NUP93: variants seen among roughly 807,000 people sequenced by gnomAD.
NUP93 encodes nucleoporin 93.
A neutral mutation model predicts 107.8 loss-of-function variants in NUP93; 55 were observed. That is an observed-to-expected ratio of 0.51 (90% confidence interval 0.41 to 0.64). NUP93 has a LOEUF of 0.64. Ranked by LOEUF, NUP93 falls within the 30% of genes least tolerant of loss-of-function variation. The probability of loss-of-function intolerance (pLI) is 0.00; values close to 1 mark genes in which losing one functional copy is unlikely to be tolerated. For synonymous variants in NUP93, 390 were observed against 397.5 expected (o/e 0.98, Z 0.22); for missense variants, 937 against 1,044.7 (o/e 0.90, Z 1.42).
In NUP93 at chr16:56,845,517, A is replaced by G. The variant is rs1451530888; in HGVS notation, c.*908A>G. Reference sequence around the variant, plus strand: ...CAGACCACCACATGGCATCAGCACCATGGGTGTTTGCTCCCTGAGCAGTAG... The same window carrying G: ...CAGACCACCACATGGCATCAGCACCGTGGGTGTTTGCTCCCTGAGCAGTAG... On this transcript the variant is annotated 3_prime_UTR_variant, in exon 22 of 22. Coordinates refer to ENST00000308159, the MANE Select transcript of NUP93 (RefSeq NM_014669.5). 1.3e-5 allele frequency: 2 copies of G among 152,254 alleles called. No homozygotes were observed. The highest frequency in any genetic ancestry group is 1.9e-4 in the East Asian group (1 of 5,194). 9.4% of individuals were successfully genotyped at this position (152,254 alleles called of 1,614,324 possible). A position where few individuals can be genotyped will look rare whatever the true frequency, so the allele number is the denominator to read the frequency against.
At chr16:56,788,184 T>C (rs2144533184) in intron 3 of NUP93, among the ~76,000 whole-genome samples, 1 of 152,296 alleles carries the variant, frequency 6.6e-6, no homozygotes, top group African/African-American at 2.4e-5. Flanking sequence ...CCCACTGGAC[T>C]TCTGTTGGTC....
intron 5 of NUP93, among the ~76,000 whole-genome samples, chr16:56,813,129 T>C (rs1287439044): frequency 3.9e-5 from 6 of 152,194 alleles, no homozygotes; most frequent in African/African-American, 7.2e-5. Context: ...GTATAGATAA[T>C]GATGGTAACA....
At chr16:56,803,234 G>A (rs900155443) in intron 4 of NUP93, among the ~76,000 whole-genome samples, 9 of 152,060 alleles carry the variant, frequency 5.9e-5, no homozygotes, top group Admixed American at 4.6e-4. Flanking sequence ...CAAGGCGGTC[G>A]GATCACTTGA....
chr16:56,793,698 C>T (rs372988370), intron 3 of NUP93, among the ~76,000 whole-genome samples: 2 of 152,208 alleles, frequency 1.3e-5, no homozygotes, highest in African/African-American at 4.8e-5. Flanking sequence ...TTCTTTAATT[C>T]CATTGGGCTG....
intron 3 of NUP93, among the ~76,000 whole-genome samples, chr16:56,778,000 A>C (rs183302525): frequency 1.3e-5 from 2 of 152,328 alleles, no homozygotes. Flanking sequence ...AATTCGAATA[A>C]ATACAAATTC....
rs1964154406 is a variant in NUP93 at position 56,849,645 on chromosome 16, AT to A, written c.*5037del. On this transcript the variant is annotated 3_prime_UTR_variant, in exon 22 of 22. Transcript: ENST00000308159. Reference sequence around the variant, plus strand: ...CGGGTCAGACTTAGCAAATAAAAATATAGGACACTCAATTAAGTTTGCATTT... The same window carrying A: ...CGGGTCAGACTTAGCAAATAAAAATAAGGACACTCAATTAAGTTTGCATTT... The A allele has an allele frequency of 6.6e-6, 1 of 151,964 alleles. No individual in the cohort carries two copies. Among genetic ancestry groups the A allele is most frequent in the South Asian group, 2.1e-4 (1 of 4,768 alleles). The allele number at this position is 151,964 out of a possible 1,614,324, so 9.4% of individuals were successfully genotyped here.
At chr16:56,742,217 G>A (rs1961750361) in intron 1 of NUP93, among the ~76,000 whole-genome samples, 2 of 152,198 alleles carry the variant, frequency 1.3e-5, no homozygotes, top group African/African-American at 2.4e-5. Context: ...AAGAGGAAAC[G>A]AGATGGCAAC....
chr16:56,767,844 C>T (rs1962241948), intron 3 of NUP93, among the ~76,000 whole-genome samples: 1 of 152,206 alleles, frequency 6.6e-6, no homozygotes, highest in Admixed American at 6.5e-5. Flanking sequence ...AGGTCCTAAA[C>T]TGCCCCAGAT....
chr16:56,801,437 G>A (rs1446401099), intron 4 of NUP93, among the ~76,000 whole-genome samples: 2 of 152,150 alleles, frequency 1.3e-5, no homozygotes, highest in African/African-American at 4.8e-5. Flanking sequence ...TTTTGAGACA[G>A]GGTCTTGCTC....
chr16:56,731,166 C>T (rs986428326), intron 1 of NUP93, among the ~76,000 whole-genome samples: 1 of 152,016 alleles, frequency 6.6e-6, no homozygotes, highest in Non-Finnish European at 1.5e-5. Context: ...GTATTTATAT[C>T]TCCATCGCAG....
At chr16:56,838,348 G>A (rs1274976839) in intron 18 of NUP93, among the ~76,000 whole-genome samples, 1 of 152,128 alleles carries the variant, frequency 6.6e-6, no homozygotes, top group Non-Finnish European at 1.5e-5. Flanking sequence ...AGGGCTGCTC[G>A]GCTTTTTGCC....
At chr16:56,806,554 G>T (rs562729967) in intron 5 of NUP93, among the ~76,000 whole-genome samples, 1 of 152,138 alleles carries the variant, frequency 6.6e-6, no homozygotes, top group Non-Finnish European at 1.5e-5. Context: ...AAGGCTAGAC[G>T]CAAGGAGCAT....
intron 2 of NUP93, among the ~76,000 whole-genome samples, chr16:56,752,086 T>G (rs1173137183): frequency 6.6e-6 from 1 of 152,238 alleles, no homozygotes; most frequent in African/African-American, 2.4e-5. Context: ...TAGATAATTT[T>G]TAAATTCTGA....
chr16:56,764,262 G>A (rs916718718), intron 3 of NUP93, among the ~76,000 whole-genome samples: 1 of 152,088 alleles, frequency 6.6e-6, no homozygotes, highest in Non-Finnish European at 1.5e-5. Flanking sequence ...AGGCCGAGGC[G>A]GGCAGATCAC....
In NUP93 at chr16:56,811,517, G is replaced by T. The variant is rs552575901; in HGVS notation, c.489+5885G>T. Among the ~76,000 whole-genome samples, 11 of 146,436 alleles carry T rather than the reference G, an allele frequency of 7.5e-5. No homozygotes were observed. The South Asian group carries it at 1.3e-3, about 17-fold the overall frequency. ...CATTATGAAATATCATTTTGTTTTT[G>T]TTTTTTTTTTTGAAACAGAGTCTCA... On this transcript the variant is annotated intron_variant, in intron 5 of 21. Transcript: ENST00000308159.
At chr16:56,826,445 G>A (rs1266478117) in intron 8 of NUP93, among the ~76,000 whole-genome samples, 1 of 151,082 alleles carries the variant, frequency 6.6e-6, no homozygotes, top group Non-Finnish European at 1.5e-5. Flanking sequence ...GAACCTGGGA[G>A]GCAGAGGTTG....
intron 3 of NUP93, chr16:56,782,501 T>A (rs1177409825): frequency 3.3e-5 from 5 of 151,466 alleles, no homozygotes; most frequent in African/African-American, 4.9e-5. Context: ...TTTTGTGAAC[T>A]TCTTCTTTAA....
intron 5 of NUP93, among the ~76,000 whole-genome samples, chr16:56,806,967 A>G (rs1450725791): frequency 1.3e-5 from 2 of 152,180 alleles, no homozygotes; most frequent in African/African-American, 4.8e-5. Flanking sequence ...CAAGAACGCA[A>G]CTATTAAAGG....
At chr16:56,737,139 A>G (rs1961627128) in intron 1 of NUP93, among the ~76,000 whole-genome samples, 1 of 152,220 alleles carries the variant, frequency 6.6e-6, no homozygotes. Context: ...TAAAATATCA[A>G]AATATCTGTT....
Sources: allele counts gnomAD v4.1 joint callset (sites outside exome capture counted in the v4.1 genomes callset), GRCh38; gene constraint gnomAD v4.1.1; transcripts MANE v1.5; gene names NCBI Gene and HGNC (gene_info 2026-07-23, HGNC 2026-07-21).